The following MTCL2 variants were observed in gnomAD, a reference collection of about 807,000 sequenced individuals.
MTCL2 encodes the protein microtubule cross-linking factor 2.
chr20:36,849,060 C>CTTTTTTTTCTTTTTTTTTT, the MTCL2 span, among the ~76,000 whole-genome samples: 1 of 62,238 alleles, frequency 1.6e-5, no homozygotes, highest in Non-Finnish European at 2.7e-5. Flanking sequence ...AGTTGGTTTC[C>CTTTTTTTTCTTTTTTTTTT]TTTTTTTTTT....
chr20:36,806,438 ATTATGT>A, the MTCL2 span, among the ~76,000 whole-genome samples: 1 of 152,166 alleles, frequency 6.6e-6, no homozygotes, highest in Admixed American at 6.6e-5. Flanking sequence ...GCCCAGCATG[ATTATGT>A]TTATATCTTA....
At chr20:36,778,477 T>A in the MTCL2 span, 4 of 152,300 alleles carry the variant, frequency 2.6e-5, no homozygotes, top group African/African-American at 9.7e-5. Context: ...TGGAATGCAA[T>A]ACAAGAACCA....
chr20:36,785,292 G>A, the MTCL2 span: 1 of 985,364 alleles, frequency 1.0e-6, no homozygotes, highest in Non-Finnish European at 1.2e-6. Flanking sequence ...TGCTGTTAGA[G>A]GCCTCATGTT....
chr20:36,826,497 C>T, the MTCL2 span, among the ~76,000 whole-genome samples: 1 of 150,394 alleles, frequency 6.6e-6, no homozygotes, highest in Non-Finnish European at 1.5e-5. Flanking sequence ...CCCACCTCAA[C>T]CTCCCTAGTA....
At chr20:36,862,646 G>A in the MTCL2 span, 7 of 1,490,622 alleles carry the variant, frequency 4.7e-6, no homozygotes, top group Admixed American at 8.6e-5. Context: ...CTTTCTACCC[G>A]GGCGCCCCCA....
chr20:36,812,714 T>G, the MTCL2 span: 1 of 1,613,860 alleles, frequency 6.2e-7, no homozygotes, highest in Non-Finnish European at 8.5e-7. Context: ...CTCAGAGGCA[T>G]AGGAATCATT....
the MTCL2 span, among the ~76,000 whole-genome samples, chr20:36,861,913 G>T: frequency 6.6e-6 from 1 of 152,352 alleles, no homozygotes; most frequent in East Asian, 1.9e-4. Context: ...TGTTCCAGGT[G>T]GGCAGTTGCC....
the MTCL2 span, among the ~76,000 whole-genome samples, chr20:36,788,414 G>A: frequency 6.6e-6 from 1 of 152,074 alleles, no homozygotes; most frequent in Admixed American, 6.5e-5. Flanking sequence ...CACTTTGGGA[G>A]GCCAAGGCGG....
the MTCL2 span, among the ~76,000 whole-genome samples, chr20:36,810,993 A>AT: frequency 2.0e-5 from 3 of 152,114 alleles, no homozygotes; most frequent in South Asian, 6.2e-4. Flanking sequence ...AAGTGCTGAA[A>AT]TTACAGGTGT....
the MTCL2 span, among the ~76,000 whole-genome samples, chr20:36,826,534 T>C: frequency 1.3e-5 from 2 of 150,574 alleles, no homozygotes; most frequent in African/African-American, 2.4e-5. Flanking sequence ...TGCACAAAGA[T>C]GCCTGGCTAA....
At chr20:36,818,332 G>A in the MTCL2 span, among the ~76,000 whole-genome samples, 1 of 152,224 alleles carries the variant, frequency 6.6e-6, no homozygotes, top group African/African-American at 2.4e-5. Context: ...CAACACTTTG[G>A]GAGGCCAAGA....
the MTCL2 span, among the ~76,000 whole-genome samples, chr20:36,846,903 G>A: frequency 1.1e-4 from 17 of 152,250 alleles, no homozygotes; most frequent in African/African-American, 2.6e-4. Context: ...CCAGCTACTC[G>A]GGAGGCTGAG....
At chr20:36,855,939 G>A in the MTCL2 span, among the ~76,000 whole-genome samples, 16 of 151,982 alleles carry the variant, frequency 1.1e-4, no homozygotes, top group Non-Finnish European at 2.2e-4. Context: ...AGGCCTCTCC[G>A]GCAGGGCAGG....
chr20:36,856,307 T>C, the MTCL2 span, among the ~76,000 whole-genome samples: 1 of 152,046 alleles, frequency 6.6e-6, no homozygotes, highest in Non-Finnish European at 1.5e-5. Flanking sequence ...GTCTGCCAAG[T>C]CCCTCCTCTG....
At chr20:36,795,924 G>A in the MTCL2 span, among the ~76,000 whole-genome samples, 1 of 152,190 alleles carries the variant, frequency 6.6e-6, no homozygotes. Context: ...TCCTTGTGGT[G>A]GGATGACTCT....
At chr20:36,830,457 A>G in the MTCL2 span, among the ~76,000 whole-genome samples, 4 of 152,046 alleles carry the variant, frequency 2.6e-5, no homozygotes, top group East Asian at 7.7e-4. Context: ...AGGCCCAACT[A>G]CTCAGGAGGC....
the MTCL2 span, among the ~76,000 whole-genome samples, chr20:36,846,022 A>G: frequency 1.3e-5 from 2 of 152,144 alleles, no homozygotes; most frequent in Non-Finnish European, 2.9e-5. Context: ...AGTTGTAGAC[A>G]TGGTGAAACC....
chr20:36,830,463 G>C, the MTCL2 span, among the ~76,000 whole-genome samples: 2 of 152,128 alleles, frequency 1.3e-5, no homozygotes, highest in Non-Finnish European at 2.9e-5. Flanking sequence ...AACTACTCAG[G>C]AGGCCAACAT....
chr20:36,819,481 T>C, the MTCL2 span, among the ~76,000 whole-genome samples: 1 of 152,110 alleles, frequency 6.6e-6, no homozygotes, highest in Non-Finnish European at 1.5e-5. Context: ...ACAGCTGACC[T>C]GGGACCAGTT....
Sources: allele counts gnomAD v4.1 joint callset (sites outside exome capture counted in the v4.1 genomes callset), GRCh38; gene constraint gnomAD v4.1.1; transcripts MANE v1.5; gene names NCBI Gene and HGNC (gene_info 2026-07-23, HGNC 2026-07-21).